Variants in ZCWPW2 observed in about 807,000 individuals in gnomAD.
ZCWPW2 encodes the protein zinc finger CW-type and PWWP domain containing 2, also known as zinc finger CW-type PWWP domain protein 2.
In ZCWPW2, 45 loss-of-function variants were observed where a neutral mutation model predicts 46.6. That is an observed-to-expected ratio of 0.96 (90% confidence interval 0.76 to 1.24). The LOEUF (loss-of-function observed/expected upper bound fraction) is 1.24. Among genes scored for constraint, ZCWPW2 ranks in the 50% most tolerant of loss-of-function variants. The pLI, the probability that ZCWPW2 is intolerant of heterozygous loss-of-function variation, is 0.00. For synonymous variants in ZCWPW2, 152 were observed against 137.1 expected (o/e 1.11, Z -0.76); for missense variants, 429 against 403.9 (o/e 1.06, Z -0.53).
At chr3:28,515,832 A>G (rs991179845) in intron 8 of ZCWPW2, among the ~76,000 whole-genome samples, 1 of 152,100 alleles carries the variant, frequency 6.6e-6, no homozygotes, top group African/African-American at 2.4e-5. Context: ...TATATGAGAA[A>G]TATTAATGAA....
chr3:28,421,519 C>T (rs566597979), intron 3 of ZCWPW2, among the ~76,000 whole-genome samples: 3 of 152,102 alleles, frequency 2.0e-5, no homozygotes, highest in Non-Finnish European at 2.9e-5. Context: ...TGCTAGGCTC[C>T]CCCTATCCTG....
At chr3:28,460,812 A>C (rs1698602329) in intron 4 of ZCWPW2, among the ~76,000 whole-genome samples, 1 of 152,208 alleles carries the variant, frequency 6.6e-6, no homozygotes. Context: ...TCAGTGCAAT[A>C]CATGGTTAGA....
chr3:28,356,050 C>T (rs1424683274), intron 1 of ZCWPW2, among the ~76,000 whole-genome samples: 1 of 151,976 alleles, frequency 6.6e-6, no homozygotes, highest in Non-Finnish European at 1.5e-5. Flanking sequence ...ACTACCATCA[C>T]AGTGAATGGG....
chr3:28,460,665 C>T (rs186806429), intron 4 of ZCWPW2, among the ~76,000 whole-genome samples: 19 of 152,264 alleles, frequency 1.2e-4, no homozygotes, highest in African/African-American at 4.3e-4. Context: ...TTACTGGTTG[C>T]TGTTGCAGAA....
At chr3:28,439,062 T>C (rs1697614775) in intron 4 of ZCWPW2, among the ~76,000 whole-genome samples, 1 of 148,284 alleles carries the variant, frequency 6.7e-6, no homozygotes, top group Non-Finnish European at 1.5e-5. Flanking sequence ...TGTGTGTGTA[T>C]ATATATGTGT....
chr3:28,391,642 C>T (rs953776079), intron 2 of ZCWPW2, among the ~76,000 whole-genome samples: 27 of 152,164 alleles, frequency 1.8e-4, no homozygotes, highest in African/African-American at 6.0e-4. Flanking sequence ...CCATGGACAC[C>T]TTGCAGTTTT....
intron 2 of ZCWPW2, among the ~76,000 whole-genome samples, chr3:28,391,951 G>C (rs1455656076): frequency 6.6e-6 from 1 of 152,110 alleles, no homozygotes; most frequent in Non-Finnish European, 1.5e-5. Context: ...GCAATAGTAA[G>C]TCCTTACTTA....
At chr3:28,508,502 T>TTTTTG (rs539590147) in intron 6 of ZCWPW2, among the ~76,000 whole-genome samples, 263 of 152,150 alleles carry the variant, frequency 1.7e-3, no homozygotes, top group Non-Finnish European at 3.0e-3. Flanking sequence ...ACTTTCAACC[T>TTTTTG]TTTTGTTTTG....
chr3:28,465,169 G>A (rs2125791472), intron 4 of ZCWPW2, among the ~76,000 whole-genome samples: 1 of 152,182 alleles, frequency 6.6e-6, no homozygotes, highest in Middle Eastern at 3.4e-3. Flanking sequence ...TAATATAAAT[G>A]TGTTCCAAAC....
intron 1 of ZCWPW2, among the ~76,000 whole-genome samples, chr3:28,387,135 A>G (rs1044608958): frequency 2.6e-5 from 4 of 152,168 alleles, no homozygotes; most frequent in African/African-American, 7.2e-5. Flanking sequence ...TGTTACTTCA[A>G]TACTCAAACC....
rs542768476 is a variant in ZCWPW2 at position 28,414,052 on chromosome 3, T to A, written c.332+652T>A. Reference sequence around the variant, plus strand: ...TTCAGTATATAACTTCAAGTCTTATTTTTAGCTAAGGTTTATTAAATTATA... The same window carrying A: ...TTCAGTATATAACTTCAAGTCTTATATTTAGCTAAGGTTTATTAAATTATA... On this transcript the variant is annotated intron_variant, in intron 3 of 9. Transcript: ENST00000383768. Among the ~76,000 whole-genome samples the A allele has an allele frequency of 6.6e-4, 100 of 152,168 alleles. 2 individuals carry two copies. The highest frequency in any genetic ancestry group is 2.2e-3 in the African/African-American group (93 of 41,562).
chr3:28,370,979 G>T (rs1004174245), intron 1 of ZCWPW2, among the ~76,000 whole-genome samples: 10 of 152,182 alleles, frequency 6.6e-5, no homozygotes, highest in African/African-American at 2.4e-4. Flanking sequence ...TGATCCGCCT[G>T]CCTCAGCTTC....
intron 4 of ZCWPW2, chr3:28,447,797 A>G: frequency 1.2e-6 from 1 of 818,984 alleles, no homozygotes; most frequent in Non-Finnish European, 2.1e-6. Context: ...GCTTTCCTGA[A>G]CCCCTGGCAA....
chr3:28,408,230 G>T (rs1696242931), intron 2 of ZCWPW2, among the ~76,000 whole-genome samples: 1 of 152,094 alleles, frequency 6.6e-6, no homozygotes, highest in African/African-American at 2.4e-5. Flanking sequence ...CCATTTAAAA[G>T]TAATCTTTTA....
At chr3:28,353,316 A>C (rs2125685782) in intron 1 of ZCWPW2, among the ~76,000 whole-genome samples, 1 of 152,344 alleles carries the variant, frequency 6.6e-6, no homozygotes, top group African/African-American at 2.4e-5. Context: ...TTTAAAATTT[A>C]CTTTTTTTAT....
intron 3 of ZCWPW2, among the ~76,000 whole-genome samples, chr3:28,434,573 A>T (rs753382631): frequency 6.6e-6 from 1 of 152,208 alleles, no homozygotes; most frequent in South Asian, 2.1e-4. Flanking sequence ...AGGAGACAGG[A>T]TGGAACTGCA....
intron 3 of ZCWPW2, among the ~76,000 whole-genome samples, chr3:28,421,409 C>T (rs1001423339): frequency 2.0e-5 from 3 of 152,162 alleles, no homozygotes; most frequent in Non-Finnish European, 4.4e-5. Flanking sequence ...GCAGTCCAGG[C>T]TCACCACTGG....
At chr3:28,386,296 G>A (rs1353497989) in intron 1 of ZCWPW2, among the ~76,000 whole-genome samples, 2 of 152,086 alleles carry the variant, frequency 1.3e-5, no homozygotes, top group Non-Finnish European at 2.9e-5. Flanking sequence ...ATCCAGCAAC[G>A]AGGCATCAGT....
At chr3:28,354,014 C>A (rs1029913497) in intron 1 of ZCWPW2, among the ~76,000 whole-genome samples, 1 of 152,110 alleles carries the variant, frequency 6.6e-6, no homozygotes, top group Non-Finnish European at 1.5e-5. Flanking sequence ...TTATTGAGCA[C>A]CTATCATGTG....
Sources: allele counts gnomAD v4.1 joint callset (sites outside exome capture counted in the v4.1 genomes callset), GRCh38; gene constraint gnomAD v4.1.1; transcripts MANE v1.5; gene names NCBI Gene and HGNC (gene_info 2026-07-23, HGNC 2026-07-21).